Variants in AFG2B observed in about 807,000 individuals in gnomAD.
The protein encoded by AFG2B is ATPase family gene 2 protein homolog B.
At chr15:45,402,381 C>A in the AFG2B span, 1 of 1,556,132 alleles carries the variant, frequency 6.4e-7, no homozygotes. Context: ...TTTTGTGGGC[C>A]GGGTGGGTTT....
chr15:45,415,801 A>C, the AFG2B span: 10 of 1,609,204 alleles, frequency 6.2e-6, no homozygotes, highest in South Asian at 2.2e-5. Flanking sequence ...GAGCTGAAAA[A>C]ATGAAGAGGT....
At chr15:45,414,736 C>A in the AFG2B span, 1 of 1,614,174 alleles carries the variant, frequency 6.2e-7, no homozygotes, top group Non-Finnish European at 8.5e-7. Flanking sequence ...TGGAGCTGAT[C>A]TGTTTTCACC....
chr15:45,405,079 G>A, the AFG2B span, among the ~76,000 whole-genome samples: 1 of 151,908 alleles, frequency 6.6e-6, no homozygotes, highest in Non-Finnish European at 1.5e-5. Context: ...TGAAATATAC[G>A]AGAAATTATT....
chr15:45,410,847 G>T, the AFG2B span, among the ~76,000 whole-genome samples: 1 of 152,058 alleles, frequency 6.6e-6, no homozygotes, highest in East Asian at 1.9e-4. Flanking sequence ...CTTGAGTTCA[G>T]GAGTTCAAAA....
chr15:45,418,553 C>G, the AFG2B span: 1 of 1,584,250 alleles, frequency 6.3e-7, no homozygotes, highest in Non-Finnish European at 8.5e-7. Context: ...TTATTTTGTT[C>G]CAGGGCAGGC....
chr15:45,418,585 C>T, the AFG2B span: 3 of 1,612,316 alleles, frequency 1.9e-6, no homozygotes, highest in Admixed American at 5.0e-5. Context: ...AAAGTCTGTA[C>T]AAAAACCATG....
the AFG2B span, among the ~76,000 whole-genome samples, chr15:45,413,090 G>T: frequency 1.4e-4 from 22 of 152,152 alleles, 1 homozygote; most frequent in South Asian, 1.5e-3. Flanking sequence ...TTCACAAGAT[G>T]CATGAGAGAA....
At chr15:45,415,872 A>T in the AFG2B span, 1 of 1,216,482 alleles carries the variant, frequency 8.2e-7, no homozygotes. Context: ...CATATATGCT[A>T]TAGCTTTACC....
At chr15:45,414,715 G>A in the AFG2B span, 13 of 1,613,994 alleles carry the variant, frequency 8.1e-6, no homozygotes, top group Admixed American at 8.3e-5. Context: ...CTGCTCTTTC[G>A]TTTCAGTGAG....
chr15:45,420,209 C>T, the AFG2B span, among the ~76,000 whole-genome samples: 1 of 152,120 alleles, frequency 6.6e-6, no homozygotes, highest in Non-Finnish European at 1.5e-5. Context: ...GAATATTCTA[C>T]ATTTGTTTAT....
the AFG2B span, among the ~76,000 whole-genome samples, chr15:45,404,123 T>G: frequency 1.3e-5 from 2 of 152,184 alleles, no homozygotes; most frequent in African/African-American, 4.8e-5. Flanking sequence ...GGTCCTAAAT[T>G]GACTTGAATT....
At chr15:45,406,200 A>G in the AFG2B span, among the ~76,000 whole-genome samples, 345 of 152,316 alleles carry the variant, frequency 2.3e-3, 3 homozygotes, top group Non-Finnish European at 3.0e-3. Context: ...ATTCTGTGGA[A>G]TATTCGTCAG....
At chr15:45,418,499 C>A in the AFG2B span, 12 of 1,493,118 alleles carry the variant, frequency 8.0e-6, no homozygotes, top group Admixed American at 2.2e-5. Flanking sequence ...TTTAATAAAT[C>A]ATTGTGTCAA....
the AFG2B span, chr15:45,402,492 T>C: frequency 1.1e-5 from 17 of 1,609,838 alleles, no homozygotes; most frequent in Non-Finnish European, 1.4e-5. Context: ...CCTTAGACGC[T>C]AGAGACCGGG....
the AFG2B span, chr15:45,407,306 A>C: frequency 9.5e-7 from 1 of 1,054,652 alleles, no homozygotes; most frequent in Non-Finnish European, 1.2e-6. Context: ...GATAAGGGAT[A>C]CCTTACACTT....
the AFG2B span, chr15:45,415,813 T>C: frequency 6.2e-7 from 1 of 1,600,900 alleles, no homozygotes; most frequent in East Asian, 2.3e-5. Context: ...TGAAGAGGTA[T>C]TTATTAGCCA....
the AFG2B span, chr15:45,405,513 G>A: frequency 6.2e-7 from 1 of 1,609,370 alleles, no homozygotes; most frequent in Non-Finnish European, 8.5e-7. Flanking sequence ...AAGGTAAGAA[G>A]TGTTAATTTA....
the AFG2B span, chr15:45,418,816 C>T: frequency 8.5e-7 from 1 of 1,172,060 alleles, no homozygotes; most frequent in Non-Finnish European, 1.2e-6. Flanking sequence ...GGCCCCATCC[C>T]TCACACAGCT....
chr15:45,407,279 C>T, the AFG2B span: 541 of 1,161,516 alleles, frequency 4.7e-4, 2 homozygotes, highest in Non-Finnish European at 5.3e-4. Context: ...GCTGCTACCT[C>T]TCCCTGTACC....
Sources: allele counts gnomAD v4.1 joint callset (sites outside exome capture counted in the v4.1 genomes callset), GRCh38; gene constraint gnomAD v4.1.1; transcripts MANE v1.5; gene names NCBI Gene and HGNC (gene_info 2026-07-23, HGNC 2026-07-21).